SYN3: variants seen among roughly 807,000 people sequenced by gnomAD.
The protein encoded by SYN3 is synapsin III, also known as synapsin-3.
SYN3 carries 35 observed loss-of-function variants against 65.8 expected under a neutral mutation model. That is an observed-to-expected ratio of 0.53 (90% CI 0.41 to 0.70). SYN3 has a LOEUF of 0.70. SYN3 is among the 30% of genes least tolerant of loss of function. The pLI, the probability that SYN3 is intolerant of heterozygous loss-of-function variation, is 0.00. For missense variants in SYN3, 680 were observed against 749.0 expected (o/e 0.91, Z 1.08); for synonymous variants, 270 against 292.9 (o/e 0.92, Z 0.80).
At chr22:32,629,129 G>A (rs1341151357) in intron 6 of SYN3, among the ~76,000 whole-genome samples, 2 of 152,178 alleles carry the variant, frequency 1.3e-5, no homozygotes, top group African/African-American at 4.8e-5. Context: ...CAAATATTTG[G>A]TGAAATCCAT....
intron 6 of SYN3, among the ~76,000 whole-genome samples, chr22:32,753,357 C>T (rs2045194644): frequency 6.6e-6 from 1 of 152,142 alleles, no homozygotes; most frequent in Admixed American, 6.5e-5. Context: ...ATTCCCAACT[C>T]CTGACTCAGG....
At chr22:33,053,937 G>C (rs1402174400) in intron 1 of SYN3, among the ~76,000 whole-genome samples, 1 of 152,134 alleles carries the variant, frequency 6.6e-6, no homozygotes, top group East Asian at 1.9e-4. Context: ...AGTGTTTGCC[G>C]AAGTTCTAAA....
intron 7 of SYN3, among the ~76,000 whole-genome samples, chr22:32,591,772 A>C (rs1251553097): frequency 6.6e-6 from 1 of 152,208 alleles, no homozygotes; most frequent in Non-Finnish European, 1.5e-5. Context: ...AGATACATTA[A>C]ATGGAAAATT....
chr22:32,903,469 T>G (rs1402324203), intron 4 of SYN3, among the ~76,000 whole-genome samples: 1 of 152,214 alleles, frequency 6.6e-6, no homozygotes, highest in African/African-American at 2.4e-5. Context: ...TGACAACTGT[T>G]CTGGGGCCTT....
intron 6 of SYN3, among the ~76,000 whole-genome samples, chr22:32,846,294 T>C (rs1252878269): frequency 1.3e-5 from 2 of 152,240 alleles, no homozygotes; most frequent in African/African-American, 4.8e-5. Context: ...ACTTCATCTG[T>C]GCTTCTCCAC....
chr22:32,802,360 CCTAA>C (rs748265239), intron 6 of SYN3, among the ~76,000 whole-genome samples: 3 of 152,102 alleles, frequency 2.0e-5, no homozygotes, highest in Non-Finnish European at 2.9e-5. Context: ...CCTTTGCTTT[CCTAA>C]CTTAGGTCGT....
intron 6 of SYN3, among the ~76,000 whole-genome samples, chr22:32,851,180 G>A (rs975943809): frequency 3.3e-5 from 5 of 152,138 alleles, no homozygotes; most frequent in Non-Finnish European, 5.9e-5. Context: ...CAGACAGCGC[G>A]GGAATGCCAA....
intron 3 of SYN3, among the ~76,000 whole-genome samples, chr22:32,956,265 C>G (rs918117104): frequency 2.0e-5 from 3 of 151,632 alleles, no homozygotes; most frequent in African/African-American, 4.9e-5. Flanking sequence ...AAGTGATTCT[C>G]CTGCCTCAGC....
intron 6 of SYN3, among the ~76,000 whole-genome samples, chr22:32,762,867 T>A (rs2045522309): frequency 8.5e-6 from 1 of 118,168 alleles, no homozygotes; most frequent in Admixed American, 8.7e-5. Flanking sequence ...GTTGAGAGAA[T>A]GCACAGGGAA....
intron 9 of SYN3, 36 bp from the exon 10 acceptor site, chr22:32,533,931 G>T: frequency 1.4e-6 from 2 of 1,456,394 alleles, no homozygotes; most frequent in Non-Finnish European, 1.9e-6. Context: ...GAAGTGGCCT[G>T]GGAAAGTGGG....
intron 1 of SYN3, among the ~76,000 whole-genome samples, chr22:33,020,837 CCAATCCCAATTTTGCTATCTACCACCTA>C (rs1384146420): frequency 1.3e-5 from 2 of 152,150 alleles, no homozygotes; most frequent in African/African-American, 4.8e-5. Context: ...TGCTTGGGTT[CCAATCCCAATTTTGCTATCTACCACCTA>C]CAAAGCCTCG....
intron 6 of SYN3, among the ~76,000 whole-genome samples, chr22:32,618,680 A>C (rs1167313921): frequency 1.3e-5 from 2 of 152,146 alleles, no homozygotes; most frequent in Non-Finnish European, 2.9e-5. Flanking sequence ...CTAACCAGAC[A>C]ATCTCAGGCC....
At chr22:32,520,214 C>T (rs774347430) in intron 12 of SYN3, among the ~76,000 whole-genome samples, 13 of 152,004 alleles carry the variant, frequency 8.6e-5, no homozygotes, top group African/African-American at 2.4e-4. Flanking sequence ...ATGGTCACAC[C>T]GCAGCAGTGA....
intron 7 of SYN3, among the ~76,000 whole-genome samples, chr22:32,570,710 T>G (rs918063817): frequency 2.0e-5 from 3 of 152,108 alleles, no homozygotes; most frequent in Non-Finnish European, 4.4e-5. Flanking sequence ...AACCCTCTCA[T>G]TTTGCAGCTG....
At chr22:32,885,241 G>A (rs1352859966) in intron 4 of SYN3, among the ~76,000 whole-genome samples, 4 of 152,096 alleles carry the variant, frequency 2.6e-5, no homozygotes, top group African/African-American at 7.2e-5. Flanking sequence ...TAACAGTGAT[G>A]ACTAAATCAA....
chr22:32,764,753 C>A (rs1360313331), intron 6 of SYN3, among the ~76,000 whole-genome samples: 1 of 152,180 alleles, frequency 6.6e-6, no homozygotes, highest in African/African-American at 2.4e-5. Context: ...CTGGAGACCC[C>A]AAGGCGTGAA....
chr22:32,857,188 A>C, intron 6 of SYN3: 1 of 1,268,358 alleles, frequency 7.9e-7, no homozygotes, highest in Non-Finnish European at 1.2e-6. Context: ...CAGTGGGATT[A>C]GGGATCATAC....
chr22:32,787,066 T>C (rs1394863177), intron 6 of SYN3, among the ~76,000 whole-genome samples: 1 of 151,030 alleles, frequency 6.6e-6, no homozygotes, highest in Non-Finnish European at 1.5e-5. Context: ...TTCTTTTTTT[T>C]TTTTTTTTCC....
chr22:32,551,527 G>GA (rs11398828), intron 7 of SYN3, among the ~76,000 whole-genome samples: 39,629 of 146,020 alleles, frequency 0.27, 5,343 homozygotes, highest in Middle Eastern at 0.38. Context: ...AAATGACAAG[G>GA]AAAAAAAAAA....
Sources: gnomAD v4.1 joint callset for allele counts (sites outside exome capture counted in the v4.1 genomes callset) on GRCh38, gnomAD v4.1.1 for gene constraint, MANE v1.5 for transcripts, NCBI Gene and HGNC (gene_info 2026-07-23, HGNC 2026-07-21) for gene names.